Variants in FOXP2 observed in about 807,000 individuals in gnomAD.
FOXP2 encodes forkhead box P2, also known as forkhead box protein P2.
FOXP2 carries 12 observed loss-of-function variants against 115.8 expected under a neutral mutation model. The observed-to-expected ratio is 0.10, with a 90% CI of 0.07 to 0.17. FOXP2 has a LOEUF of 0.17. FOXP2 is among the 10% of genes least tolerant of loss of function. The pLI, the probability that FOXP2 is intolerant of heterozygous loss-of-function variation, is 1.00. For missense variants in FOXP2, 629 were observed against 843.5 expected (o/e 0.75, Z 3.15); for synonymous variants, 328 against 297.7 (o/e 1.10, Z -1.05).
intron 2 of FOXP2, among the ~76,000 whole-genome samples, chr7:114,435,347 G>T (rs1291467280): frequency 1.3e-5 from 2 of 152,068 alleles, no homozygotes; most frequent in Non-Finnish European, 1.5e-5. Context: ...AGGGTAGAAA[G>T]AATTCTAGGT....
At chr7:114,622,537 G>T (rs949815277) in intron 3 of FOXP2, among the ~76,000 whole-genome samples, 1 of 151,880 alleles carries the variant, frequency 6.6e-6, no homozygotes, top group Non-Finnish European at 1.5e-5. Flanking sequence ...GAATGAATGG[G>T]CTAGTGTCTT....
intron 1 of FOXP2, among the ~76,000 whole-genome samples, chr7:114,260,531 T>C (rs1795722478): frequency 6.6e-6 from 1 of 151,940 alleles, no homozygotes; most frequent in Non-Finnish European, 1.5e-5. Flanking sequence ...TGACTCTATT[T>C]AAAAAAAATT....
Position 114,491,308 on chromosome 7 carries a change from G to T in FOXP2, c.169-43309G>T, listed in dbSNP as rs1454920860. Among the ~76,000 whole-genome samples, 8 of 151,544 alleles carry T rather than the reference G, an allele frequency of 5.3e-5. No individual in the cohort carries two copies. In the East Asian group the frequency reaches 5.8e-4, roughly 11 times the overall value. Reference sequence around the variant, plus strand: ...TTTTGGCTGCATAAATGTCTTCTTTGGAGAAGTGTCTGTTCATGTCCTTCA... The same window carrying T: ...TTTTGGCTGCATAAATGTCTTCTTTTGAGAAGTGTCTGTTCATGTCCTTCA... On this transcript the variant is annotated intron_variant, in intron 2 of 16. Transcript: ENST00000350908.
At chr7:114,537,959 C>T (rs1368832816) in intron 3 of FOXP2, among the ~76,000 whole-genome samples, 1 of 151,518 alleles carries the variant, frequency 6.6e-6, no homozygotes, top group African/African-American at 2.4e-5. Context: ...GAAAACATAT[C>T]CTAATAATAA....
upstream of FOXP2, chr7:114,086,422 C>A: frequency 2.9e-6 from 1 of 345,254 alleles, no homozygotes; most frequent in Non-Finnish European, 5.7e-6. Context: ...CGCGAACGCC[C>A]GCCCCGGTTA....
At chr7:114,585,356 T>G (rs1802078918) in intron 3 of FOXP2, among the ~76,000 whole-genome samples, 1 of 152,076 alleles carries the variant, frequency 6.6e-6, no homozygotes, top group Non-Finnish European at 1.5e-5. Flanking sequence ...GTGATTCTGA[T>G]TATTAGTAAA....
At chr7:114,409,167 T>G (rs533464532) in intron 2 of FOXP2, among the ~76,000 whole-genome samples, 2 of 152,290 alleles carry the variant, frequency 1.3e-5, no homozygotes, top group African/African-American at 4.8e-5. Context: ...GCAAATAATA[T>G]TGCCTTAAAT....
intron 1 of FOXP2, among the ~76,000 whole-genome samples, chr7:114,254,783 T>C (rs1795559651): frequency 6.6e-6 from 1 of 152,252 alleles, no homozygotes; most frequent in Admixed American, 6.5e-5. Context: ...GAAGCCTTCT[T>C]CTCTCAACTC....
intron 15 of FOXP2, 123 bp from the exon 16 acceptor site, chr7:114,664,150 T>C: frequency 8.7e-7 from 1 of 1,151,030 alleles, no homozygotes; most frequent in South Asian, 1.4e-5. Context: ...TTCAATACAT[T>C]TTCTTTTAAT....
At chr7:114,129,341 C>G (rs751739591) in intron 1 of FOXP2, among the ~76,000 whole-genome samples, 1 of 152,036 alleles carries the variant, frequency 6.6e-6, no homozygotes, top group Non-Finnish European at 1.5e-5. Context: ...TTTGTTGAGA[C>G]CTGGAAACAC....
chr7:114,447,484 C>T (rs1562931961), intron 2 of FOXP2, among the ~76,000 whole-genome samples: 1 of 152,174 alleles, frequency 6.6e-6, no homozygotes, highest in Non-Finnish European at 1.5e-5. Flanking sequence ...TTGTCCCATT[C>T]TCTTGCTGCT....
At chr7:114,476,318 C>T (rs1169905079) in intron 2 of FOXP2, among the ~76,000 whole-genome samples, 2 of 151,732 alleles carry the variant, frequency 1.3e-5, no homozygotes, top group African/African-American at 2.4e-5. Flanking sequence ...AGTAGGTGTC[C>T]AGTTTTATTC....
intron 1 of FOXP2, among the ~76,000 whole-genome samples, chr7:114,259,388 C>T (rs1795693074): frequency 6.6e-6 from 1 of 152,154 alleles, no homozygotes; most frequent in Admixed American, 6.5e-5. Context: ...AGATTAGTTA[C>T]TAGGGTGAAA....
At chr7:114,426,457 T>A in intron 1 of FOXP2, 45 bp from the exon 2 acceptor site, 1 of 1,565,716 alleles carries the variant, frequency 6.4e-7, no homozygotes, top group Non-Finnish European at 8.8e-7. Context: ...AATGGAAGTG[T>A]GAAGGTGTAA....
Position 114,524,981 on chromosome 7 carries a change from A to G in FOXP2, c.169-9636A>G, listed in dbSNP as rs73429335. ...CCCTTAAAGTCCTAGAGGAGATTAA[A>G]ATACAACTTTTCAAAATATCATAGA... is the stretch of plus-strand genomic sequence containing the variant. On this transcript the variant is annotated intron_variant, in intron 2 of 16. Coordinates refer to ENST00000350908, the MANE Select transcript of FOXP2 (RefSeq NM_014491.4). Among the ~76,000 whole-genome samples, 1,073 of 152,274 alleles carry G rather than the reference A, an allele frequency of 7.0e-3. 11 individuals carry two copies. Among genetic ancestry groups the G allele is most frequent in the African/African-American group, 0.025 (1,021 of 41,564 alleles).
chr7:114,631,449 G>T, intron 5 of FOXP2, 79 bp from the exon 6 acceptor site: 1 of 1,546,070 alleles, frequency 6.5e-7, no homozygotes, highest in Non-Finnish European at 8.7e-7. Context: ...AATGAAAGGA[G>T]TGTGCATTTC....
chr7:114,250,166 G>A (rs1017551553), intron 1 of FOXP2, among the ~76,000 whole-genome samples: 2 of 152,056 alleles, frequency 1.3e-5, no homozygotes, highest in East Asian at 1.9e-4. Flanking sequence ...TGGTGTATAT[G>A]TGCCACATTT....
Position 114,674,058 on chromosome 7 carries a change from T to G in FOXP2, c.2003+9622T>G, listed in dbSNP as rs565386495. ...AACTCCACCATGGAATCAGATCTCT[T>G]GAGTTGTAAGACATAATTATAAGCT... is the stretch of plus-strand genomic sequence containing the variant. On this transcript the variant is annotated intron_variant, in intron 16 of 16. Transcript: ENST00000350908. Among the ~76,000 whole-genome samples the G allele has an allele frequency of 3.4e-4, 52 of 152,308 alleles. 1 individual carries two copies. The highest frequency in any genetic ancestry group is 1.2e-3 in the African/African-American group (48 of 41,564).
chr7:114,678,919 G>A (rs1418385282), intron 16 of FOXP2, among the ~76,000 whole-genome samples: 1 of 152,106 alleles, frequency 6.6e-6, no homozygotes, highest in Admixed American at 6.5e-5. Context: ...CTATTTTATT[G>A]ATTTTTAACT....
Sources: gnomAD v4.1 joint callset for allele counts (sites outside exome capture counted in the v4.1 genomes callset) on GRCh38, gnomAD v4.1.1 for gene constraint, MANE v1.5 for transcripts, NCBI Gene and HGNC (gene_info 2026-07-23, HGNC 2026-07-21) for gene names.